Variants in TET3 observed in about 807,000 individuals in gnomAD.
TET3 encodes the protein tet methylcytosine dioxygenase 3, also known as methylcytosine dioxygenase TET3.
TET3 carries 19 observed loss-of-function variants against 141.4 expected under a neutral mutation model. That is an observed-to-expected ratio of 0.13 (90% CI 0.09 to 0.20). TET3 has a LOEUF of 0.20. TET3 is among the 10% of genes least tolerant of loss of function. TET3 has a pLI of 1.00. For synonymous variants in TET3, 1,043 were observed against 980.9 expected, an observed-to-expected ratio of 1.06 and a Z score of -1.18; for missense variants, 1,874 against 2,356.9, an observed-to-expected ratio of 0.80 and a Z score of 4.24.
At chr2:74,088,760 TCACGTACCTACCACCAC>T (rs1338796370) in intron 7 of TET3, among the ~76,000 whole-genome samples, 2 of 152,108 alleles carry the variant, frequency 1.3e-5, no homozygotes, top group African/African-American at 4.8e-5. Flanking sequence ...ATGTTTACAG[TCACGTACCTACCACCAC>T]CACAATTAAG....
intron 8 of TET3, among the ~76,000 whole-genome samples, chr2:74,091,831 A>G (rs1690512736): frequency 6.6e-6 from 1 of 152,156 alleles, no homozygotes; most frequent in Non-Finnish European, 1.5e-5. Context: ...GGCTGTGGAT[A>G]CCTGGAACTC....
Position 74,047,944 on chromosome 2 carries a change from T to G in TET3, c.2027T>G (p.Leu676Arg), listed in dbSNP as rs777584441. 1.2e-6 allele frequency: 2 copies of G among 1,613,428 alleles called. No homozygotes were observed. The highest frequency in any genetic ancestry group is 1.7e-6 in the Non-Finnish European group (2 of 1,179,604). ...GCACCTAGTCCCTCCAGGGACAGCC[T>G]GCTGCCCCCTACTCAGGAAATGAGG... ...LFAPSPSRDSLLPPTQEMRSP... is the reference protein window; with the variant it reads ...LFAPSPSRDSRLPPTQEMRSP... The change falls in exon 4 of 12, where the codon CTG (leucine) becomes CGG (arginine). Residue 676 changes from leucine to arginine, a missense_variant. By Grantham distance (102) the Leu-to-Arg change is moderately radical. This residue lies in a region of TET3 where 484 missense variants were observed against 462.2 expected (regional missense o/e 1.05). Transcript: ENST00000409262.
At chr2:74,090,851 C>G (rs1690451065) in intron 8 of TET3, among the ~76,000 whole-genome samples, 2 of 152,218 alleles carry the variant, frequency 1.3e-5, no homozygotes, top group Non-Finnish European at 2.9e-5. Flanking sequence ...TACCTTCCTT[C>G]TGCCTGGGCT....
rs1474299176 is a variant in TET3 at position 74,047,919 on chromosome 2, G to A, written c.2002G>A (p.Ala668Thr). ...CCCAGAACCTTCTCTTGCGCTATTT[G>A]CACCTAGTCCCTCCAGGGACAGCCT... ...LPPEPSLALF[A>T]PSPSRDSLLP... The change falls in exon 4 of 12, where the codon GCA (alanine) becomes ACA (threonine). Residue 668 changes from alanine (A) to threonine (T), a missense_variant. Transcript: ENST00000409262. The A allele has an allele frequency of 1.2e-6, 2 of 1,613,576 alleles. No homozygotes were observed. Among genetic ancestry groups the A allele is most frequent in the Non-Finnish European group, 1.7e-6 (2 of 1,179,790 alleles).
intron 4 of TET3, among the ~76,000 whole-genome samples, chr2:74,053,684 G>C (rs1180461678): frequency 6.6e-6 from 1 of 152,232 alleles, no homozygotes; most frequent in East Asian, 1.9e-4. Context: ...GGGTGAGGGA[G>C]TGGCATTGTC....
At chr2:74,080,685 T>G in intron 6 of TET3, 94 bp downstream of exon 6, 68 of 367,340 alleles carry the variant, frequency 1.9e-4, no homozygotes, top group South Asian at 2.4e-4. Context: ...TGCATGTAGC[T>G]GAGCAGGCGA....
the TET3 span, chr2:74,122,150 A>C: frequency 7.9e-5 from 12 of 152,242 alleles, no homozygotes; most frequent in African/African-American, 2.9e-4. Context: ...AATGAAAAAC[A>C]TGTACAAAAG....
intron 4 of TET3, among the ~76,000 whole-genome samples, chr2:74,071,551 G>GC (rs1689204112): frequency 6.6e-6 from 1 of 152,074 alleles, no homozygotes; most frequent in Non-Finnish European, 1.5e-5. Flanking sequence ...ACTTTCTCTT[G>GC]CTTGTAAATG....
At chr2:74,066,569 C>T (rs968144680) in intron 4 of TET3, among the ~76,000 whole-genome samples, 1 of 149,942 alleles carries the variant, frequency 6.7e-6, no homozygotes, top group Non-Finnish European at 1.5e-5. Flanking sequence ...TTCCCTTATA[C>T]TCAGGAGAGG....
intron 10 of TET3, among the ~76,000 whole-genome samples, chr2:74,098,236 A>G (rs764186750): frequency 2.6e-5 from 4 of 152,248 alleles, no homozygotes; most frequent in Non-Finnish European, 5.9e-5. Flanking sequence ...AGGGTATTTC[A>G]AAAAGTATTG....
intron 4 of TET3, among the ~76,000 whole-genome samples, chr2:74,053,048 C>A (rs566679017): frequency 6.6e-6 from 1 of 152,026 alleles, no homozygotes. Flanking sequence ...TTATCTGAAT[C>A]TTGAAGTTCT....
At chr2:73,989,658 G>A (rs1424294498) in intron 2 of TET3, among the ~76,000 whole-genome samples, 1 of 152,122 alleles carries the variant, frequency 6.6e-6, no homozygotes, top group African/African-American at 2.4e-5. Flanking sequence ...ACTTCTCTGG[G>A]TCCTAATGTG....
intron 2 of TET3, among the ~76,000 whole-genome samples, chr2:73,989,809 G>A (rs1270610491): frequency 6.6e-6 from 1 of 152,072 alleles, no homozygotes; most frequent in Admixed American, 6.6e-5. Flanking sequence ...GAAAAGTAGG[G>A]TTTGGTGAGT....
At chr2:74,070,866 T>C (rs1317227067) in intron 4 of TET3, among the ~76,000 whole-genome samples, 1 of 152,084 alleles carries the variant, frequency 6.6e-6, no homozygotes, top group Non-Finnish European at 1.5e-5. Flanking sequence ...TCCCAGCTAC[T>C]CAGGAGGCTG....
chr2:74,129,807 C>T, the TET3 span, among the ~76,000 whole-genome samples: 1 of 151,700 alleles, frequency 6.6e-6, no homozygotes, highest in African/African-American at 2.4e-5. Flanking sequence ...GCTTTATTGG[C>T]TTTAGGCCAG....
At chr2:74,083,179 T>G (rs1470526435) in intron 6 of TET3, among the ~76,000 whole-genome samples, 1 of 152,202 alleles carries the variant, frequency 6.6e-6, no homozygotes, top group African/African-American at 2.4e-5. Flanking sequence ...AGCCCTCTGA[T>G]CATCTGTGAT....
Position 74,105,630 on chromosome 2 carries a change from C to T in TET3, c.*3454C>T. 1 of 370,818 alleles carries T rather than the reference C, an allele frequency of 2.7e-6. No homozygotes were observed. Among genetic ancestry groups the T allele is most frequent in the Non-Finnish European group, 4.8e-6 (1 of 208,234 alleles). 23.0% of individuals were successfully genotyped at this position (370,818 alleles called of 1,614,324 possible). ...GGAAAGAGATGATACCCCACCGCCC[C>T]CTCTTGGTCCTTCCACCAGCCTCTT... On this transcript the variant is annotated 3_prime_UTR_variant, in exon 12 of 12. Transcript: ENST00000409262.
intron 3 of TET3, among the ~76,000 whole-genome samples, chr2:74,016,368 A>T (rs1685729127): frequency 6.6e-6 from 1 of 151,926 alleles, no homozygotes; most frequent in South Asian, 2.1e-4. Context: ...CTGTGCTGTT[A>T]GGTAGGGATA....
At chr2:74,007,183 T>C (rs1372840878) in intron 3 of TET3, among the ~76,000 whole-genome samples, 3 of 152,206 alleles carry the variant, frequency 2.0e-5, no homozygotes, top group Admixed American at 1.3e-4. Flanking sequence ...TTTTGTGTTT[T>C]GTATATTGAA....
Sources: gnomAD v4.1 joint callset for allele counts (sites outside exome capture counted in the v4.1 genomes callset) on GRCh38, gnomAD v4.1.1 for gene constraint, gnomAD v4.1.1 regional missense constraint, MANE v1.5 for transcripts, NCBI Gene and HGNC (gene_info 2026-07-23, HGNC 2026-07-21) for gene names.